LIFR: variants seen among roughly 807,000 people sequenced by gnomAD.
LIFR encodes leukemia inhibitory factor receptor.
A neutral mutation model predicts 122.2 loss-of-function variants in LIFR; 84 were observed. The ratio of observed to expected loss-of-function variants is 0.69; its 90% confidence interval spans 0.58 to 0.82. LIFR has a LOEUF of 0.82. Ranked by LOEUF, LIFR falls within the 40% of genes least tolerant of loss-of-function variation. The probability of loss-of-function intolerance (pLI) is 0.00; values close to 1 mark genes in which losing one functional copy is unlikely to be tolerated. For missense variants in LIFR, 1,294 were observed against 1,311.6 expected, an observed-to-expected ratio of 0.99 and a Z score of 0.21; for synonymous variants, 422 against 434.7, an observed-to-expected ratio of 0.97 and a Z score of 0.36.
chr5:38,565,783 C>T (rs1580201428), intron 1 of LIFR, among the ~76,000 whole-genome samples: 1 of 152,112 alleles, frequency 6.6e-6, no homozygotes, highest in Admixed American at 6.5e-5. Context: ...GACAGGGTTT[C>T]TCCATGTTAG....
intron 1 of LIFR, among the ~76,000 whole-genome samples, chr5:38,539,128 T>C (rs973006877): frequency 2.6e-5 from 4 of 152,090 alleles, no homozygotes; most frequent in Non-Finnish European, 5.9e-5. Context: ...GCCTGGCTAA[T>C]TTTTTGTATT....
At chr5:38,550,109 T>C in intron 1 of LIFR, 1 of 189,508 alleles carries the variant, frequency 5.3e-6, no homozygotes, top group Non-Finnish European at 9.8e-6. Flanking sequence ...CGGGGCACAT[T>C]TTTGAGGCTT....
rs2112350808 is a variant in LIFR, at chr5:38,480,988, AT to A, written c.*606del. The A allele has an allele frequency of 4.4e-6, 1 of 225,138 alleles. No homozygotes were observed. The highest frequency in any genetic ancestry group is 5.5e-5 in the Admixed American group (1 of 18,234). 13.9% of individuals were successfully genotyped at this position (225,138 alleles called of 1,614,324 possible). ...CCCCTGAGACAACTGTTTGATAACC[AT>A]TATACAGTAGGCACAGAAATAAGCA... On this transcript the variant is annotated 3_prime_UTR_variant, in exon 20 of 20. Coordinates refer to ENST00000453190, the MANE Select transcript of LIFR (RefSeq NM_001127671.2).
At chr5:38,579,696 A>G (rs981194994) in intron 1 of LIFR, 9 of 152,230 alleles carry the variant, frequency 5.9e-5, no homozygotes, top group Admixed American at 4.6e-4. Flanking sequence ...CAATTATGTT[A>G]TAGACAAAAT....
intron 5 of LIFR, among the ~76,000 whole-genome samples, chr5:38,521,076 T>C (rs1462442703): frequency 6.6e-6 from 1 of 152,230 alleles, no homozygotes; most frequent in Non-Finnish European, 1.5e-5. Context: ...TCTGTAAGCA[T>C]GGAATGTCTT....
In LIFR at chr5:38,481,606, G is replaced by A. The variant is rs1743987109; in HGVS notation, c.3283C>T (p.Pro1095Ser). The change falls in exon 20 of 20, where the codon CCA becomes TCA. Residue 1095 changes from proline (P) to serine (S), a missense_variant. Coordinates refer to ENST00000453190, the MANE Select transcript of LIFR (RefSeq NM_001127671.2). ...ACACGGTGACACTGTTAATCGTTTG[G>A]TTTGTTCTGAAAAAAGTTTGTAAAG... is the stretch of plus-strand genomic sequence containing the variant. Reference protein sequence around the residue: ...WSFTNFFQNKPND With the variant: ...WSFTNFFQNKSND 2 of 1,614,066 alleles carry A rather than the reference G, an allele frequency of 1.2e-6. No individual in the cohort carries two copies. The highest frequency in any genetic ancestry group is 1.7e-6 in the Non-Finnish European group (2 of 1,179,980).
At position 38,480,807 on chromosome 5, in the gene LIFR, G is replaced by T. The variant is rs1743946985; in HGVS notation, c.*788C>A. The T allele has an allele frequency of 4.7e-6, 1 of 214,406 alleles. No homozygotes were observed. The highest frequency in any genetic ancestry group is 2.3e-5 in the African/African-American group (1 of 44,310). The allele number at this position is 214,406 out of a possible 1,614,324, so 13.3% of individuals were successfully genotyped here. On this transcript the variant is annotated 3_prime_UTR_variant, in exon 20 of 20. Transcript: ENST00000453190. ...TAAAAAATGTGGGTCTCTAGTCTTA[G>T]AAGTGTAAATTTTAAATATTAGGGC... is the stretch of plus-strand genomic sequence containing the variant.
At chr5:38,547,562 G>A (rs1044830825) in intron 1 of LIFR, among the ~76,000 whole-genome samples, 3 of 151,768 alleles carry the variant, frequency 2.0e-5, no homozygotes, top group African/African-American at 7.3e-5. Context: ...TATCTTTCAC[G>A]ACTACTGAGG....
chr5:38,506,704 C>T, intron 7 of LIFR, 72 bp from the exon 8 acceptor site: 1 of 1,260,956 alleles, frequency 7.9e-7, no homozygotes, highest in Non-Finnish European at 1.1e-6. Context: ...TTATAAACGT[C>T]AATGTTTTCC....
chr5:38,538,431 T>C (rs1208933580), intron 1 of LIFR, among the ~76,000 whole-genome samples: 1 of 152,228 alleles, frequency 6.6e-6, no homozygotes, highest in Non-Finnish European at 1.5e-5. Flanking sequence ...TAAGGTTCCT[T>C]CAGGCATGAC....
At chr5:38,501,393 AG>A (rs1284021602) in intron 11 of LIFR, among the ~76,000 whole-genome samples, 11 of 152,204 alleles carry the variant, frequency 7.2e-5, no homozygotes, top group African/African-American at 2.2e-4. Context: ...AAATTTTTGG[AG>A]GAAGTATTAT....
intron 1 of LIFR, among the ~76,000 whole-genome samples, chr5:38,580,880 C>T (rs1430974779): frequency 6.6e-6 from 1 of 152,132 alleles, no homozygotes; most frequent in Admixed American, 6.5e-5. Flanking sequence ...TTCTCTATCT[C>T]CGTGTGCTTC....
chr5:38,575,299 G>C (rs919345623), intron 1 of LIFR, among the ~76,000 whole-genome samples: 4 of 152,132 alleles, frequency 2.6e-5, no homozygotes, highest in African/African-American at 9.7e-5. Context: ...GGGATGGTGG[G>C]GGCCCCAGGG....
intron 1 of LIFR, among the ~76,000 whole-genome samples, chr5:38,555,830 A>G (rs893039571): frequency 6.6e-6 from 1 of 152,204 alleles, no homozygotes; most frequent in Non-Finnish European, 1.5e-5. Flanking sequence ...TTTACACAAC[A>G]TAACAGAAAT....
At chr5:38,594,733 C>T (rs1323753598) in intron 1 of LIFR, among the ~76,000 whole-genome samples, 3 of 152,264 alleles carry the variant, frequency 2.0e-5, no homozygotes, top group Middle Eastern at 6.8e-3. Flanking sequence ...AATGACATGA[C>T]AATAAAACAC....
chr5:38,585,228 G>C (rs1051304269), intron 1 of LIFR, among the ~76,000 whole-genome samples: 1 of 152,162 alleles, frequency 6.6e-6, no homozygotes. Flanking sequence ...TCTTCTAAAA[G>C]AAAAGAAGTC....
intron 2 of LIFR, among the ~76,000 whole-genome samples, chr5:38,600,861 G>A (rs965277579): frequency 5.9e-5 from 9 of 152,084 alleles, no homozygotes; most frequent in South Asian, 2.1e-4. Context: ...CTGGAACTGC[G>A]GGAGGAAGCT....
At chr5:38,492,888 T>C (rs1744671118) in intron 14 of LIFR, among the ~76,000 whole-genome samples, 1 of 152,136 alleles carries the variant, frequency 6.6e-6, no homozygotes, top group African/African-American at 2.4e-5. Flanking sequence ...AACGATGATA[T>C]TGCAGAGAGG....
rs372233556 is a variant in LIFR at position 38,529,059 on chromosome 5, T to TA, written c.143-220dup. Among the ~76,000 whole-genome samples, 420 of 149,254 alleles carry TA rather than the reference T, an allele frequency of 2.8e-3. 2 individuals are homozygous for TA. The highest frequency in any genetic ancestry group is 4.1e-3 in the Non-Finnish European group (274 of 67,250). ...TTCTATTTCTTTTTGCAGCTTTGGT[T>TA]AAAAAAAAACAACTAAAGGGTAAAC... On this transcript the variant is annotated intron_variant, in intron 2 of 19. Transcript: ENST00000453190.
Sources: allele counts gnomAD v4.1 joint callset (sites outside exome capture counted in the v4.1 genomes callset), GRCh38; gene constraint gnomAD v4.1.1; transcripts MANE v1.5; gene names NCBI Gene and HGNC (gene_info 2026-07-23, HGNC 2026-07-21).